Variants in H2BC11 observed in about 807,000 individuals in gnomAD.
H2BC11 encodes the protein histone H2B type 1-J.
H2BC11 carries 7 observed loss-of-function variants against 6.0 expected under a neutral mutation model. The observed-to-expected ratio is 1.16, with a 90% CI of 0.66 to 2.19. The LOEUF (loss-of-function observed/expected upper bound fraction) is 2.19. Ranked by LOEUF, H2BC11 falls within the 30% of genes most tolerant of loss-of-function variation. H2BC11 has a pLI of 0.00. For synonymous variants in H2BC11, 127 were observed against 72.0 expected (o/e 1.77, Z -3.87); for missense variants, 215 against 170.3 (o/e 1.26, Z -1.46).
Position 27,132,525 on chromosome 6 carries a change from C to G in H2BC11, c.226G>C (p.Gly76Arg). 1.2e-6 allele frequency: 2 copies of G among 1,614,268 alleles called. No homozygotes were observed. The highest frequency in any genetic ancestry group is 1.7e-6 in the Non-Finnish European group (2 of 1,180,050). ...FVNDIFERIA[G>R]EASRLAHYNK... ...TAATGCGCCAGGCGGGAAGCCTCACCTGCGATGCGCTCGAAAATGTCGTTC... is the reference window on the plus strand; with the variant it reads ...TAATGCGCCAGGCGGGAAGCCTCACGTGCGATGCGCTCGAAAATGTCGTTC... The change falls in exon 1 of 1, where the codon GGT becomes CGT. Residue 76 changes from glycine (G) to arginine (R), a missense_variant. Coordinates refer to ENST00000339812, the MANE Select transcript of H2BC11 (RefSeq NM_021058.4).
rs1248151136 is a variant in H2BC11, at chr6:27,132,389, T to C, written c.362A>G (p.Lys121Arg). 6 of 1,614,204 alleles carry C rather than the reference T, an allele frequency of 3.7e-6. No homozygotes were observed. Among genetic ancestry groups the C allele is most frequent in the Non-Finnish European group, 4.2e-6 (5 of 1,180,038 alleles). Residue 121 changes from lysine (K) to arginine (R), a missense_variant, in exon 1 of 1, where the codon AAG becomes AGG. Physicochemically the swap from Lys to Arg is conservative, Grantham distance 26. Transcript: ENST00000339812. ...AVSEGTKAVTKYTSAK is the reference protein window; with the variant it reads ...AVSEGTKAVTRYTSAK The stretch of plus-strand genomic sequence containing the variant: ...CACTGTTTACTTAGCGCTGGTGTAC[T>C]TGGTGACGGCCTTAGTACCCTCGGA...
chr6:27,132,447 G>T lies in H2BC11; in HGVS notation c.304C>A (p.Leu102Met), dbSNP rs1488613755. 2 of 1,614,120 alleles carry T rather than the reference G, an allele frequency of 1.2e-6. No homozygotes were observed. The highest frequency in any genetic ancestry group is 1.3e-5 in the African/African-American group (1 of 74,948). ...SREIQTAVRLLLPGELAKHAV... is the reference protein window; with the variant it reads ...SREIQTAVRLMLPGELAKHAV... ...TGCTTGGCCAACTCCCCAGGCAGCAGCAGGCGCACGGCCGTCTGGATCTCC... is the reference window on the plus strand; with the variant it reads ...TGCTTGGCCAACTCCCCAGGCAGCATCAGGCGCACGGCCGTCTGGATCTCC... Residue 102 changes from leucine to methionine, a missense_variant, in exon 1 of 1, where the codon CTG becomes ATG. By Grantham distance (15) the Leu-to-Met change is conservative. Transcript: ENST00000339812.
rs753902684 is a variant in H2BC11 at position 27,132,693 on chromosome 6, T to C, written c.58A>G (p.Thr20Ala). 6.2e-7 allele frequency: 1 copy of C among 1,614,224 alleles called. No individual in the cohort carries two copies. The highest frequency in any genetic ancestry group is 1.1e-5 in the South Asian group (1 of 91,082). ...APKKGSKKAVTKAQKKDGKKR... is the reference protein window; with the variant it reads ...APKKGSKKAVAKAQKKDGKKR... ...TTGCCGTCTTTCTTCTGCGCCTTAG[T>C]CACCGCCTTCTTGGAGCCCTTTTTC... Residue 20 changes from threonine to alanine, a missense_variant, in exon 1 of 1, where the codon ACT (threonine) becomes GCT (alanine). Physicochemically the swap from Thr to Ala is moderately conservative, Grantham distance 58 (BLOSUM62 0). Coordinates refer to ENST00000339812, the MANE Select transcript of H2BC11 (RefSeq NM_021058.4).
Position 27,132,448 on chromosome 6 carries a change from C to T in H2BC11, c.303G>A (p.Leu101=), listed in dbSNP as rs1013239806. 4 of 1,614,228 alleles carry T rather than the reference C, an allele frequency of 2.5e-6. No homozygotes were observed. The South Asian group carries it at 3.3e-5, about 13-fold the overall frequency. Residue 101 remains leucine (L), a synonymous_variant, in exon 1 of 1, where the codon CTG becomes CTA. Coordinates refer to ENST00000339812, the MANE Select transcript of H2BC11 (RefSeq NM_021058.4). ...GCTTGGCCAACTCCCCAGGCAGCAGCAGGCGCACGGCCGTCTGGATCTCCC... is the reference window on the plus strand; with the variant it reads ...GCTTGGCCAACTCCCCAGGCAGCAGTAGGCGCACGGCCGTCTGGATCTCCC... The part of the protein sequence containing the change: ...TSREIQTAVR[L]LLPGELAKHA...
Position 27,132,520 on chromosome 6 carries a change from C to CAGG in H2BC11, c.230_231insCCT (p.Glu77delinsAspLeu). 1 of 1,614,256 alleles carries CAGG rather than the reference C, an allele frequency of 6.2e-7. No homozygotes were observed. The highest frequency in any genetic ancestry group is 8.5e-7 in the Non-Finnish European group (1 of 1,180,046). On this transcript the variant is annotated protein_altering_variant, in exon 1 of 1. Coordinates refer to ENST00000339812, the MANE Select transcript of H2BC11 (RefSeq NM_021058.4). ...TGTTGTAATGCGCCAGGCGGGAAGC[C>CAGG]TCACCTGCGATGCGCTCGAAAATGT... is the stretch of plus-strand genomic sequence containing the variant.
In H2BC11 at chr6:27,132,515, G is replaced by T. The variant is rs747952584; in HGVS notation, c.236C>A (p.Ser79Tyr). ...DIFERIAGEA[S>Y]RLAHYNKRST... ...GCGCTTGTTGTAATGCGCCAGGCGG[G>T]AAGCCTCACCTGCGATGCGCTCGAA... The change falls in exon 1 of 1, where the codon TCC becomes TAC. Residue 79 changes from serine (S) to tyrosine (Y), a missense_variant. Transcript: ENST00000339812. 1 of 1,614,264 alleles carries T rather than the reference G, an allele frequency of 6.2e-7. No homozygotes were observed. Among genetic ancestry groups the T allele is most frequent in the Non-Finnish European group, 8.5e-7 (1 of 1,180,052 alleles).
rs372796717 is a variant in H2BC11, at chr6:27,132,396, C to T, written c.355G>A (p.Val119Ile). The change falls in exon 1 of 1, where the codon GTC (valine) becomes ATC (isoleucine). Residue 119 changes from valine to isoleucine, a missense_variant. Coordinates refer to ENST00000339812, the MANE Select transcript of H2BC11 (RefSeq NM_021058.4). The part of the protein sequence containing the change: ...KHAVSEGTKA[V>I]TKYTSAK ...TACTTAGCGCTGGTGTACTTGGTGACGGCCTTAGTACCCTCGGACACGGCG... is the reference window on the plus strand; with the variant it reads ...TACTTAGCGCTGGTGTACTTGGTGATGGCCTTAGTACCCTCGGACACGGCG... The T allele has an allele frequency of 5.0e-6, 8 of 1,614,074 alleles. No individual in the cohort carries two copies. The highest frequency in any genetic ancestry group is 4.0e-5 in the African/African-American group (3 of 74,926).
chr6:27,132,726 G>T lies in H2BC11; in HGVS notation c.25C>A (p.Pro9Thr). 6.2e-7 allele frequency: 1 copy of T among 1,614,068 alleles called. No homozygotes were observed. Among genetic ancestry groups the T allele is most frequent in the Non-Finnish European group, 8.5e-7 (1 of 1,180,012 alleles). MPEPAKSAPAPKKGSKKAV... is the reference protein window; with the variant it reads MPEPAKSATAPKKGSKKAV... ...TTCTTGGAGCCCTTTTTCGGGGCGG[G>T]AGCAGACTTCGCTGGCTCTGGCATA... Residue 9 changes from proline (P) to threonine (T), a missense_variant, in exon 1 of 1, where the codon CCC (proline) becomes ACC (threonine). Coordinates refer to ENST00000339812, the MANE Select transcript of H2BC11 (RefSeq NM_021058.4).
Position 27,132,649 on chromosome 6 carries a change from G to C in H2BC11, c.102C>G (p.Arg34=). Reference sequence around the variant, plus strand: ...ACACATAGATGGAATAGCTCTCCTTGCGGCTGCGCTTGCGCTTCTTGCCGT... The same window carrying C: ...ACACATAGATGGAATAGCTCTCCTTCCGGCTGCGCTTGCGCTTCTTGCCGT... The part of the protein sequence containing the change: ...KKDGKKRKRS[R]KESYSIYVYK... The change falls in exon 1 of 1, where the codon CGC becomes CGG. Residue 34 remains arginine (R), a synonymous_variant. Coordinates refer to ENST00000339812, the MANE Select transcript of H2BC11 (RefSeq NM_021058.4). The C allele has an allele frequency of 6.2e-7, 1 of 1,614,240 alleles. No individual in the cohort carries two copies. Among genetic ancestry groups the C allele is most frequent in the Non-Finnish European group, 8.5e-7 (1 of 1,180,046 alleles).
chr6:27,132,704 T>C lies in H2BC11; in HGVS notation c.47A>G (p.Lys16Arg), dbSNP rs745553319. Residue 16 changes from lysine to arginine, a missense_variant, in exon 1 of 1, where the codon AAG becomes AGG. Physicochemically the swap from Lys to Arg is conservative, Grantham distance 26 (BLOSUM62 2). Coordinates refer to ENST00000339812, the MANE Select transcript of H2BC11 (RefSeq NM_021058.4). ...CTTCTGCGCCTTAGTCACCGCCTTC[T>C]TGGAGCCCTTTTTCGGGGCGGGAGC... ...KSAPAPKKGS[K>R]KAVTKAQKKD... The C allele has an allele frequency of 1.2e-6, 2 of 1,614,212 alleles. No homozygotes were observed. Among genetic ancestry groups the C allele is most frequent in the East Asian group, 2.2e-5 (1 of 44,890 alleles).
Position 27,132,442 on chromosome 6 carries a change from C to T in H2BC11, c.309G>A (p.Leu103=). The T allele has an allele frequency of 6.2e-7, 1 of 1,614,234 alleles. No individual in the cohort carries two copies. Among genetic ancestry groups the T allele is most frequent in the Non-Finnish European group, 8.5e-7 (1 of 1,180,048 alleles). Residue 103 remains leucine (L), a synonymous_variant, in exon 1 of 1, where the codon CTG becomes CTA. Transcript: ENST00000339812. The part of the protein sequence containing the change: ...REIQTAVRLL[L]PGELAKHAVS... ...CGGCGTGCTTGGCCAACTCCCCAGG[C>T]AGCAGCAGGCGCACGGCCGTCTGGA...
chr6:27,132,529 G>A lies in H2BC11; in HGVS notation c.222C>T (p.Ile74=), dbSNP rs760134857. Residue 74 remains isoleucine, a synonymous_variant, in exon 1 of 1, where the codon ATC becomes ATT. Transcript: ENST00000339812. Reference sequence around the variant, plus strand: ...GCGCCAGGCGGGAAGCCTCACCTGCGATGCGCTCGAAAATGTCGTTCACAA... The same window carrying A: ...GCGCCAGGCGGGAAGCCTCACCTGCAATGCGCTCGAAAATGTCGTTCACAA... ...NSFVNDIFER[I]AGEASRLAHY... is the part of the protein sequence containing the mutation. The A allele has an allele frequency of 3.1e-6, 5 of 1,614,248 alleles. No individual in the cohort carries two copies. The highest frequency in any genetic ancestry group is 3.4e-6 in the Non-Finnish European group (4 of 1,180,048).
In H2BC11 at chr6:27,132,327, TAA is replaced by T. The variant is rs1396575505; in HGVS notation, c.*41_*42del. ...TTTCTTTGAGAACATGGGTGGCTCT[TAA>T]AAGAGCCGTTAGGGTTGAGAGTTTG... On this transcript the variant is annotated 3_prime_UTR_variant, in exon 1 of 1. Transcript: ENST00000339812. 3 of 1,609,408 alleles carry T rather than the reference TAA, an allele frequency of 1.9e-6. No homozygotes were observed. The highest frequency in any genetic ancestry group is 2.5e-6 in the Non-Finnish European group (3 of 1,177,684).
Position 27,132,348 on chromosome 6 carries a change from G to C in H2BC11, c.*22C>G, listed in dbSNP as rs750912401. The C allele has an allele frequency of 1.9e-6, 3 of 1,613,878 alleles. No individual in the cohort carries two copies. The highest frequency in any genetic ancestry group is 2.5e-6 in the Non-Finnish European group (3 of 1,179,876). ...CTCTTAAAAGAGCCGTTAGGGTTGA[G>C]AGTTTGCAACCAACTCACTGTTTAC... On this transcript the variant is annotated 3_prime_UTR_variant, in exon 1 of 1. Transcript: ENST00000339812.
At position 27,132,619 on chromosome 6, in the gene H2BC11, C is replaced by A; in HGVS notation, c.132G>T (p.Lys44Asn). ...TGTCAGGGTGGACCTGCTTCAGAAC[C>A]TTGTACACATAGATGGAATAGCTCT... is the stretch of plus-strand genomic sequence containing the variant. ...RKESYSIYVY[K>N]VLKQVHPDTG... The change falls in exon 1 of 1, where the codon AAG becomes AAT. Residue 44 changes from lysine to asparagine, a missense_variant. Physicochemically the swap from Lys to Asn is moderately conservative, Grantham distance 94. Coordinates refer to ENST00000339812, the MANE Select transcript of H2BC11 (RefSeq NM_021058.4). 1 of 1,614,194 alleles carries A rather than the reference C, an allele frequency of 6.2e-7. No homozygotes were observed. The highest frequency in any genetic ancestry group is 8.5e-7 in the Non-Finnish European group (1 of 1,180,038).
rs1181447499 is a variant in H2BC11, at chr6:27,132,785, A to C, written c.-35T>G. On this transcript the variant is annotated 5_prime_UTR_variant, in exon 1 of 1. Coordinates refer to ENST00000339812, the MANE Select transcript of H2BC11 (RefSeq NM_021058.4). ...TAGCTATAAAGCGCCAACGAAAAGG[A>C]AAAACAGCGTGAGCAGGGTATGACA... 3.6e-5 allele frequency: 57 copies of C among 1,593,076 alleles called. No homozygotes were observed. The highest frequency in any genetic ancestry group is 4.8e-5 in the Non-Finnish European group (56 of 1,173,182).
rs762064784 is a variant in H2BC11 at position 27,132,740 on chromosome 6, G to GA, written c.10_11insT (p.Pro4LeufsTer18). 1 of 1,614,044 alleles carries GA rather than the reference G, an allele frequency of 6.2e-7. No individual in the cohort carries two copies. The highest frequency in any genetic ancestry group is 8.5e-7 in the Non-Finnish European group (1 of 1,180,008). ...TTTCGGGGCGGGAGCAGACTTCGCT[G>GA]GCTCTGGCATAGCACTGTGTAGCTA... On this transcript the variant is annotated frameshift_variant, in exon 1 of 1. Coordinates refer to ENST00000339812, the MANE Select transcript of H2BC11 (RefSeq NM_021058.4). LOFTEE classifies it high-confidence loss of function.
chr6:27,132,355 C>G lies in H2BC11; in HGVS notation c.*15G>C. ...AAGAGCCGTTAGGGTTGAGAGTTTGCAACCAACTCACTGTTTACTTAGCGC... is the reference window on the plus strand; with the variant it reads ...AAGAGCCGTTAGGGTTGAGAGTTTGGAACCAACTCACTGTTTACTTAGCGC... On this transcript the variant is annotated 3_prime_UTR_variant, in exon 1 of 1. Transcript: ENST00000339812. 1 of 1,613,992 alleles carries G rather than the reference C, an allele frequency of 6.2e-7. No individual in the cohort carries two copies. The highest frequency in any genetic ancestry group is 8.5e-7 in the Non-Finnish European group (1 of 1,179,946).
Position 27,132,625 on chromosome 6 carries a change from C to T in H2BC11, c.126G>A (p.Val42=), listed in dbSNP as rs1209460319. The T allele has an allele frequency of 5.6e-6, 9 of 1,614,236 alleles. No homozygotes were observed. The highest frequency in any genetic ancestry group is 2.2e-5 in the East Asian group (1 of 44,882). ...GGTGGACCTGCTTCAGAACCTTGTA[C>T]ACATAGATGGAATAGCTCTCCTTGC... ...RSRKESYSIY[V]YKVLKQVHPD... Residue 42 remains valine (V), a synonymous_variant, in exon 1 of 1, where the codon GTG becomes GTA. Transcript: ENST00000339812.
Sources: gnomAD v4.1 joint callset for allele counts on GRCh38, gnomAD v4.1.1 for gene constraint, MANE v1.5 for transcripts, NCBI Gene and HGNC (gene_info 2026-07-23, HGNC 2026-07-21) for gene names.